The following UBN1 variants were observed in gnomAD, a reference collection of about 807,000 sequenced individuals.
UBN1 encodes ubinuclein-1.
Under a neutral mutation model 108.5 loss-of-function variants are expected in UBN1, and 17 were observed. The ratio of observed to expected loss-of-function variants is 0.16; its 90% CI spans 0.11 to 0.24. UBN1 has a LOEUF of 0.24. Ranked by LOEUF, UBN1 falls within the 10% of genes least tolerant of loss-of-function variation. UBN1 has a pLI of 1.00. For synonymous variants in UBN1, 726 were observed against 564.2 expected (o/e 1.29, Z -4.07); for missense variants, 1,595 against 1,394.4 (o/e 1.14, Z -2.29).
intron 1 of UBN1, among the ~76,000 whole-genome samples, chr16:4,851,048 A>G (rs998945140): frequency 9.9e-5 from 15 of 152,246 alleles, no homozygotes; most frequent in African/African-American, 3.6e-4. Context: ...GGCCTTAGAT[A>G]TCTGTGATGT....
chr16:4,865,269 T>C (rs2087272169), intron 7 of UBN1, among the ~76,000 whole-genome samples: 1 of 152,234 alleles, frequency 6.6e-6, no homozygotes, highest in South Asian at 2.1e-4. Context: ...GTCTATGCAA[T>C]TCAAAAGGTT....
rs772912129 is a variant in UBN1, at chr16:4,875,330, A to T, written c.2920A>T (p.Asn974Tyr). 1 of 1,614,180 alleles carries T rather than the reference A, an allele frequency of 6.2e-7. No homozygotes were observed. Residue 974 changes from asparagine (N) to tyrosine (Y), a missense_variant, in exon 15 of 18, where the codon AAC becomes TAC. Asn to Tyr is a moderately radical substitution (Grantham distance 143). This residue lies in a region of UBN1 where 1,398 missense variants were observed against 1,194.7 expected (regional missense o/e 1.17). Transcript: ENST00000262376. Reference protein sequence around the residue: ...LTLVAPPGGPNGDSSGGTQGV... With the variant: ...LTLVAPPGGPYGDSSGGTQGV... ...TCTGGTAGCCCCTCCAGGCGGTCCAAACGGAGATTCCAGTGGTGGGACCCA... is the reference window on the plus strand; with the variant it reads ...TCTGGTAGCCCCTCCAGGCGGTCCATACGGAGATTCCAGTGGTGGGACCCA...
chr16:4,849,986 C>A (rs1303966341), intron 1 of UBN1, among the ~76,000 whole-genome samples: 6 of 122,334 alleles, frequency 4.9e-5, no homozygotes, highest in Non-Finnish European at 8.6e-5. Context: ...AAGCTAAAAT[C>A]TTTCCAAGGA....
intron 2 of UBN1, among the ~76,000 whole-genome samples, chr16:4,853,861 C>G (rs1288060896): frequency 1.3e-5 from 2 of 152,096 alleles, no homozygotes; most frequent in African/African-American, 4.8e-5. Context: ...TGCACCTAGC[C>G]ACAACTTGAT....
chr16:4,869,581 G>C (rs2087510608), intron 8 of UBN1, among the ~76,000 whole-genome samples: 1 of 152,214 alleles, frequency 6.6e-6, no homozygotes, highest in African/African-American at 2.4e-5. Context: ...TTGTCAAAAT[G>C]TGGGTGTTCT....
At chr16:4,856,723 C>T (rs1410333143) in intron 2 of UBN1, among the ~76,000 whole-genome samples, 1 of 152,208 alleles carries the variant, frequency 6.6e-6, no homozygotes, top group East Asian at 1.9e-4. Context: ...GAATCCAGTG[C>T]TGCTCAAGGT....
At chr16:4,857,287 GC>G (rs1244530068) in intron 2 of UBN1, among the ~76,000 whole-genome samples, 2 of 151,468 alleles carry the variant, frequency 1.3e-5, no homozygotes, top group African/African-American at 4.9e-5. Context: ...GGAGGTTGAG[GC>G]TACAGTGAGT....
At chr16:4,848,360 G>A (rs1318004014) in intron 1 of UBN1, 150 bp downstream of exon 1, 1 of 152,316 alleles carries the variant, frequency 6.6e-6, no homozygotes, top group Non-Finnish European at 1.5e-5. Flanking sequence ...AACTGCAGTT[G>A]AGCGCAGCGT....
chr16:4,860,802 G>C lies in UBN1; in HGVS notation c.810G>C (p.Ala270=), dbSNP rs187880494. ...GGGAGGAGGAGCATAAGCCTGTTGCGGTCCCATCAGCGGAAGCTCAGGGCC... is the reference window on the plus strand; with the variant it reads ...GGGAGGAGGAGCATAAGCCTGTTGCCGTCCCATCAGCGGAAGCTCAGGGCC... The part of the protein sequence containing the change: ...KKREEEHKPV[A]VPSAEAQGLR... The change falls in exon 7 of 18, where the codon GCG becomes GCC. Residue 270 remains alanine (A), a synonymous_variant. Transcript: ENST00000262376. 6 of 1,614,270 alleles carry C rather than the reference G, an allele frequency of 3.7e-6. 1 individual carries two copies. The East Asian group carries it at 1.3e-4, about 36-fold the overall frequency.
intron 2 of UBN1, among the ~76,000 whole-genome samples, chr16:4,855,748 A>G (rs1051104884): frequency 1.8e-4 from 27 of 152,118 alleles, no homozygotes; most frequent in African/African-American, 6.0e-4. Flanking sequence ...GCAAAAACCC[A>G]TCTCTACTAA....
At chr16:4,873,216 AC>A in intron 14 of UBN1, 143 bp downstream of exon 14, 2 of 1,241,550 alleles carry the variant, frequency 1.6e-6, no homozygotes. Context: ...TGAAGTCATA[AC>A]AGGACAGAGA....
intron 2 of UBN1, among the ~76,000 whole-genome samples, chr16:4,853,957 C>A (rs925353512): frequency 2.6e-5 from 4 of 152,158 alleles, no homozygotes; most frequent in African/African-American, 9.7e-5. Context: ...CCTCCTTCTG[C>A]CCTGCCAGAA....
chr16:4,868,496 C>T (rs1374223100), intron 7 of UBN1, among the ~76,000 whole-genome samples: 2 of 152,150 alleles, frequency 1.3e-5, no homozygotes, highest in Non-Finnish European at 2.9e-5. Context: ...GAAATCCCAA[C>T]TAATGGTGTA....
intron 2 of UBN1, among the ~76,000 whole-genome samples, chr16:4,854,962 TC>T (rs1223671896): frequency 6.6e-6 from 1 of 152,122 alleles, no homozygotes; most frequent in Non-Finnish European, 1.5e-5. Context: ...GACCTCGTGA[TC>T]CGCCCGTCTC....
Position 4,877,482 on chromosome 16 carries a change from C to T in UBN1, c.3355+8C>T. The T allele has an allele frequency of 1.2e-6, 2 of 1,607,504 alleles. No homozygotes were observed. The highest frequency in any genetic ancestry group is 1.7e-6 in the Non-Finnish European group (2 of 1,178,206). ...TCCCGCAGAGTCTGCCAGGTAATCA[C>T]CCGACGGTCAGTGTGCCACGCGCAC... On this transcript the variant is annotated splice_region_variant and intron_variant, in intron 17 of 17. Transcript: ENST00000262376. The surrounding 1 kb of genome is among the most constrained non-coding windows in gnomAD (Gnocchi z 4.3).
intron 2 of UBN1, among the ~76,000 whole-genome samples, chr16:4,854,352 G>GTTC (rs1347083113): frequency 1.4e-5 from 2 of 143,254 alleles, no homozygotes; most frequent in Non-Finnish European, 3.1e-5. Flanking sequence ...TGTTGTTGTT[G>GTTC]TTGTTTTTTG....
chr16:4,852,897 C>T lies in UBN1; in HGVS notation c.-21C>T, dbSNP rs771372189. 58 of 1,608,090 alleles carry T rather than the reference C, an allele frequency of 3.6e-5. No homozygotes were observed. Among genetic ancestry groups the T allele is most frequent in the Admixed American group, 5.0e-5 (3 of 59,756 alleles). On this transcript the variant is annotated 5_prime_UTR_variant, in exon 2 of 18. Coordinates refer to ENST00000262376, the MANE Select transcript of UBN1 (RefSeq NM_001079514.3). Reference sequence around the variant, plus strand: ...TTAACAGAAGCCATGCAGTGACACCCGCTAAGACTTGTTGGTAGCCATGTC... The same window carrying T: ...TTAACAGAAGCCATGCAGTGACACCTGCTAAGACTTGTTGGTAGCCATGTC...
intron 8 of UBN1, among the ~76,000 whole-genome samples, chr16:4,869,846 G>A (rs532998487): frequency 6.6e-6 from 1 of 152,248 alleles, no homozygotes; most frequent in Non-Finnish European, 1.5e-5. Context: ...GGAAAAAAAA[G>A]AAATGCTGCC....
chr16:4,876,158 C>G (rs2087873675), intron 15 of UBN1, among the ~76,000 whole-genome samples: 1 of 152,066 alleles, frequency 6.6e-6, no homozygotes, highest in Admixed American at 6.5e-5. Flanking sequence ...TGGAGTTTCA[C>G]CATGTTAGCC....
Sources: gnomAD v4.1 joint callset for allele counts (sites outside exome capture counted in the v4.1 genomes callset) on GRCh38, gnomAD v4.1.1 for gene constraint, gnomAD v4.1.1 regional missense constraint, Gnocchi (gnomAD v3.1) non-coding constraint, MANE v1.5 for transcripts, NCBI Gene and HGNC (gene_info 2026-07-23, HGNC 2026-07-21) for gene names.